Variants in TNRC18 observed in about 807,000 individuals in gnomAD.
TNRC18 encodes trinucleotide repeat-containing gene 18 protein.
A neutral mutation model predicts 226.7 loss-of-function variants in TNRC18; 69 were observed. The ratio of observed to expected loss-of-function variants is 0.30; its 90% CI spans 0.25 to 0.37. The LOEUF is 0.37. Among genes scored for constraint, TNRC18 ranks in the 10% least tolerant of loss-of-function variants. The pLI is 1.00. For missense variants in TNRC18, 4,754 were observed against 4,256.6 expected (o/e 1.12, Z -3.25); for synonymous variants, 2,449 against 1,927.6 (o/e 1.27, Z -7.09).
intron 2 of TNRC18, among the ~76,000 whole-genome samples, chr7:5,403,239 C>G (rs1001798813): frequency 6.6e-6 from 1 of 151,734 alleles, no homozygotes; most frequent in African/African-American, 2.4e-5. Context: ...CAGCTCACCG[C>G]AACCTCTACC....
At position 5,370,833 on chromosome 7, in the gene TNRC18, A is replaced by G. The variant is rs750616662; in HGVS notation, c.3761T>C (p.Leu1254Pro). The change falls in exon 11 of 30, where the codon CTG becomes CCG. Residue 1254 changes from leucine (L) to proline (P), a missense_variant. Transcript: ENST00000430969. Reference protein sequence around the residue: ...DLGVQLTPETLVEAKEEPVEV... With the variant: ...DLGVQLTPETPVEAKEEPVEV... ...CACCGGCTCCTCCTTGGCCTCCACC[A>G]GTGTCTCGGGTGTCAGCTGCACCCC... 1.5e-4 allele frequency: 239 copies of G among 1,609,208 alleles called. 1 individual carries two copies. In the Middle Eastern group the frequency reaches 3.6e-3, roughly 24 times the overall value.
intron 18 of TNRC18, among the ~76,000 whole-genome samples, chr7:5,337,775 G>C (rs1790275119): frequency 6.6e-6 from 1 of 152,020 alleles, no homozygotes; most frequent in African/African-American, 2.4e-5. Flanking sequence ...ATGAGCTCAG[G>C]AGTTCAAGAC....
intron 18 of TNRC18, among the ~76,000 whole-genome samples, chr7:5,335,606 A>G (rs10246679): frequency 0.3 from 5,095 of 16,762 alleles, 289 homozygotes; most frequent in African/African-American, 0.43. Context: ...CTCCGTCTAG[A>G]AAAAAAAAAA....
Position 5,374,206 on chromosome 7 carries a change from GGT to G in TNRC18, c.3076_3077del (p.Thr1026ProfsTer87). On this transcript the variant is annotated frameshift_variant, in exon 10 of 30. Coordinates refer to ENST00000430969, the MANE Select transcript of TNRC18 (RefSeq NM_001080495.3). LOFTEE classifies it high-confidence loss of function. ...SKPPAYAYPA[T>X]PSSHPTSPPP... Reference sequence around the variant, plus strand: ...GCGGGCTGGTGGGGTGGGAGCTGGGGGTGGCGGGGTAGGCGTAGGCGGGTGGC... The same window carrying G: ...GCGGGCTGGTGGGGTGGGAGCTGGGGGGCGGGGTAGGCGTAGGCGGGTGGC... 1 of 1,458,098 alleles carries G rather than the reference GGT, an allele frequency of 6.9e-7. No individual in the cohort carries two copies. The highest frequency in any genetic ancestry group is 1.4e-5 in the South Asian group (1 of 70,818). The allele number at this position is 1,458,098 out of a possible 1,614,324, so 90.3% of individuals were successfully genotyped here.
At chr7:5,315,257 AC>A in intron 25 of TNRC18, 109 bp from the exon 26 acceptor site, 1 of 1,238,868 alleles carries the variant, frequency 8.1e-7, no homozygotes, top group Non-Finnish European at 1.1e-6. Context: ...AGCAACCGAC[AC>A]CAGGTGGCTG....
intron 5 of TNRC18, among the ~76,000 whole-genome samples, chr7:5,385,091 T>C (rs564105114): frequency 6.6e-6 from 1 of 152,060 alleles, no homozygotes; most frequent in African/African-American, 2.4e-5. Flanking sequence ...GCACAGAGGA[T>C]GGGGAGACAT....
chr7:5,323,954 C>T (rs1055931668), intron 21 of TNRC18, among the ~76,000 whole-genome samples: 14 of 152,230 alleles, frequency 9.2e-5, no homozygotes, highest in African/African-American at 2.9e-4. Flanking sequence ...AGGGCCAACA[C>T]GGAACTCCTT....
Position 5,421,497 on chromosome 7 carries a change from GGGA to G in TNRC18, c.-243-11_-243-9del, listed in dbSNP as rs1782584473. The G allele has an allele frequency of 6.6e-6, 1 of 151,890 alleles. No homozygotes were observed. The highest frequency in any genetic ancestry group is 2.4e-5 in the African/African-American group (1 of 41,300). 9.4% of individuals were successfully genotyped at this position (151,890 alleles called of 1,614,324 possible). On this transcript the variant is annotated splice_polypyrimidine_tract_variant and intron_variant, in intron 1 of 29. Coordinates refer to ENST00000430969, the MANE Select transcript of TNRC18 (RefSeq NM_001080495.3). ...AGGCGGCGCACACGGCGTCTTGGCG[GGGA>G]GGAGACAGGCCGCGGAAGAAATAGA...
At chr7:5,376,707 T>C in intron 8 of TNRC18, 140 bp downstream of exon 8, 1 of 1,000,172 alleles carries the variant, frequency 1.0e-6, no homozygotes, top group Non-Finnish European at 1.5e-6. Flanking sequence ...GCAACAGATG[T>C]TCTCTCTGAA....
intron 9 of TNRC18, among the ~76,000 whole-genome samples, chr7:5,375,211 A>C (rs1173974163): frequency 2.6e-5 from 4 of 152,208 alleles, no homozygotes; most frequent in Non-Finnish European, 5.9e-5. Context: ...CGGGAGGCTG[A>C]GGCAGGAGAA....
At chr7:5,319,942 C>T (rs62443164) in intron 24 of TNRC18, among the ~76,000 whole-genome samples, 9,380 of 152,288 alleles carry the variant, frequency 0.062, 408 homozygotes, top group South Asian at 0.16. Flanking sequence ...CAGGCCCGGT[C>T]GATCAGACTC....
In TNRC18 at chr7:5,361,945, T is replaced by C. The variant is rs774915034; in HGVS notation, c.4484A>G (p.Lys1495Arg). Residue 1495 changes from lysine to arginine, a missense_variant, in exon 13 of 30, where the codon AAG becomes AGG. Physicochemically the swap from Lys to Arg is conservative, Grantham distance 26. Transcript: ENST00000430969. Reference protein sequence around the residue: ...MRLAEVQRQYKEKQRELVKLQ... With the variant: ...MRLAEVQRQYREKQRELVKLQ... ...CTTCACCAGCTCACGCTGCTTCTCC[T>C]TGTACTGGCGCTGCACCTCGGCCAG... The C allele has an allele frequency of 6.2e-7, 1 of 1,609,740 alleles. No homozygotes were observed. The highest frequency in any genetic ancestry group is 1.7e-5 in the Admixed American group (1 of 59,242).
At chr7:5,406,494 C>T (rs1584097699) in intron 2 of TNRC18, among the ~76,000 whole-genome samples, 1 of 149,550 alleles carries the variant, frequency 6.7e-6, no homozygotes, top group Non-Finnish European at 1.5e-5. Flanking sequence ...TTTTTAAAGA[C>T]AAATACTGTG....
chr7:5,408,095 A>T (rs1301770894), intron 2 of TNRC18, among the ~76,000 whole-genome samples: 1 of 152,092 alleles, frequency 6.6e-6, no homozygotes, highest in Non-Finnish European at 1.5e-5. Flanking sequence ...AGGTTAGGAG[A>T]TCGAGACCAT....
At chr7:5,320,150 C>T (rs1367519156) in intron 24 of TNRC18, 168 bp downstream of exon 24, 2 of 609,116 alleles carry the variant, frequency 3.3e-6, no homozygotes, top group East Asian at 2.8e-5. Context: ...CTGATGACAT[C>T]GTTTAAATGG....
At chr7:5,355,983 G>A (rs1442089705) in intron 16 of TNRC18, among the ~76,000 whole-genome samples, 1 of 152,010 alleles carries the variant, frequency 6.6e-6, no homozygotes, top group Non-Finnish European at 1.5e-5. Flanking sequence ...TGGCCAACAT[G>A]GCAAAACCCC....
At position 5,374,191 on chromosome 7, in the gene TNRC18, GGGGTGGGAGCT is replaced by G; in HGVS notation, c.3082_3092del (p.Ser1028HisfsTer82). 7.0e-7 allele frequency: 1 copy of G among 1,437,394 alleles called. No homozygotes were observed. The allele number at this position is 1,437,394 out of a possible 1,614,324, so 89.0% of individuals were successfully genotyped here. A position where few individuals can be genotyped will look rare whatever the true frequency, so the allele number is the denominator to read the frequency against. On this transcript the variant is annotated frameshift_variant, in exon 10 of 30. Transcript: ENST00000430969. LOFTEE classifies it high-confidence loss of function. Reference sequence around the variant, plus strand: ...GTGGGGAGGCGGGCGGCGGGCTGGTGGGGTGGGAGCTGGGGGTGGCGGGGTAGGCGTAGGCG... The same window carrying G: ...GTGGGGAGGCGGGCGGCGGGCTGGTGGGGGGTGGCGGGGTAGGCGTAGGCG...
At chr7:5,397,258 G>A (rs1449025831) in intron 2 of TNRC18, among the ~76,000 whole-genome samples, 1 of 152,194 alleles carries the variant, frequency 6.6e-6, no homozygotes, top group East Asian at 1.9e-4. Flanking sequence ...AGGCGGGTGG[G>A]TAGAAGGCTC....
intron 19 of TNRC18, among the ~76,000 whole-genome samples, chr7:5,328,761 C>G (rs1319788680): frequency 1.3e-5 from 2 of 151,952 alleles, no homozygotes; most frequent in African/African-American, 2.4e-5. Context: ...CCACCCGCCT[C>G]GGCCTCCCAA....
Sources: allele counts gnomAD v4.1 joint callset (sites outside exome capture counted in the v4.1 genomes callset), GRCh38; gene constraint gnomAD v4.1.1; transcripts MANE v1.5; gene names NCBI Gene and HGNC (gene_info 2026-07-23, HGNC 2026-07-21).